Variants in ITSN2 observed in about 807,000 individuals in gnomAD.
The protein encoded by ITSN2 is intersectin 2.
Under a neutral mutation model 243.7 loss-of-function variants are expected in ITSN2, and 156 were observed. That is an observed-to-expected ratio of 0.64 (90% CI 0.56 to 0.73). The LOEUF (loss-of-function observed/expected upper bound fraction) is 0.73. Ranked by LOEUF, ITSN2 falls within the 30% of genes least tolerant of loss-of-function variation. The pLI is 0.00. For missense variants in ITSN2, 1,801 were observed against 1,996.1 expected, an observed-to-expected ratio of 0.90 and a Z score of 1.86; for synonymous variants, 703 against 699.9, an observed-to-expected ratio of 1.00 and a Z score of -0.07.
chr2:24,354,781 C>T (rs1291047032), intron 1 of ITSN2, among the ~76,000 whole-genome samples: 3 of 152,034 alleles, frequency 2.0e-5, no homozygotes, highest in African/African-American at 4.8e-5. Flanking sequence ...AATACGCATT[C>T]GTGAAGAAAA....
chr2:24,241,818 TG>T (rs1672761874), intron 29 of ITSN2: 1 of 152,632 alleles, frequency 6.6e-6, no homozygotes, highest in African/African-American at 2.4e-5. Flanking sequence ...TAAAAAAGCA[TG>T]GCAGCCTATT....
At chr2:24,283,436 C>T (rs1015156129) in intron 17 of ITSN2, among the ~76,000 whole-genome samples, 2 of 151,960 alleles carry the variant, frequency 1.3e-5, no homozygotes, top group East Asian at 1.9e-4. Context: ...ATGTTGGCCA[C>T]GCTGGTCTCA....
At chr2:24,332,802 T>G (rs1366777412) in intron 1 of ITSN2, among the ~76,000 whole-genome samples, 3 of 152,182 alleles carry the variant, frequency 2.0e-5, no homozygotes, top group African/African-American at 7.2e-5. Flanking sequence ...ACCAAAAACT[T>G]TGTTTTACAT....
intron 1 of ITSN2, among the ~76,000 whole-genome samples, chr2:24,334,935 C>A (rs1249694057): frequency 6.6e-6 from 1 of 151,086 alleles, no homozygotes; most frequent in South Asian, 2.1e-4. Context: ...TGGTAGCGGG[C>A]GCCTGTAGTC....
upstream of ITSN2, among the ~76,000 whole-genome samples, chr2:24,361,222 C>T (rs75874833): frequency 2.0e-3 from 312 of 152,280 alleles, 3 homozygotes; most frequent in African/African-American, 7.5e-3. Flanking sequence ...CGAAGCTAAA[C>T]TTTCCTCCCC....
intron 22 of ITSN2, 52 bp from the exon 23 acceptor site, chr2:24,258,145 T>A (rs113834384): frequency 7.6e-7 from 1 of 1,311,592 alleles, no homozygotes; most frequent in African/African-American, 1.5e-5. Flanking sequence ...TAACTATGAT[T>A]TCTGTTTCTG....
rs189907954 is a variant in ITSN2 at position 24,205,011 on chromosome 2, G to A, written c.4762+203C>T. Among the ~76,000 whole-genome samples, 1,003 of 152,192 alleles carry A rather than the reference G, an allele frequency of 6.6e-3. 12 individuals carry two copies. Among genetic ancestry groups the A allele is most frequent in the Non-Finnish European group, 0.01 (709 of 68,020 alleles). On this transcript the variant is annotated intron_variant, in intron 38 of 39. Transcript: ENST00000355123. ...AAAATACAAGAATTTGCCAGGCGTG[G>A]TGGTGCACACCTGTAATCCCAGCTA...
At chr2:24,303,384 C>T (rs779278877) in intron 9 of ITSN2, among the ~76,000 whole-genome samples, 14 of 151,908 alleles carry the variant, frequency 9.2e-5, no homozygotes, top group South Asian at 2.1e-4. Flanking sequence ...CAGTTTTTAC[C>T]GAAAGTTTAA....
At chr2:24,327,372 T>C (rs1286575883) in intron 2 of ITSN2, among the ~76,000 whole-genome samples, 1 of 151,950 alleles carries the variant, frequency 6.6e-6, no homozygotes, top group Non-Finnish European at 1.5e-5. Flanking sequence ...CTCGGTACAC[T>C]GCAACCACCA....
At chr2:24,242,273 T>C (rs1672818805) in intron 29 of ITSN2, 3 of 152,592 alleles carry the variant, frequency 2.0e-5, no homozygotes, top group African/African-American at 7.2e-5. Flanking sequence ...AAAATTTGAC[T>C]AGTAACAACA....
In ITSN2 at chr2:24,251,363, G is replaced by GTGTGTATATATATA. The variant is rs1674136541; in HGVS notation, c.3120+981_3120+982insTATATATATACACA. 4.7e-4 allele frequency among the ~76,000 whole-genome samples: 3 copies of GTGTGTATATATATA among 6,368 alleles called. 1 individual carries two copies. Among genetic ancestry groups the GTGTGTATATATATA allele is most frequent in the African/African-American group, 1.2e-3 (3 of 2,420 alleles). The allele number at this position is 6,368 out of a possible 152,430, so 4.2% of individuals were successfully genotyped here. A position where few individuals can be genotyped will look rare whatever the true frequency, so the allele number is the denominator to read the frequency against. The stretch of plus-strand genomic sequence containing the variant: ...TATATATATATGTGTGTGTGTGTGT[G>GTGTGTATATATATA]TGTGTGTGTATATATGTATGTGTAT... On this transcript the variant is annotated intron_variant, in intron 25 of 39. Transcript: ENST00000355123.
At chr2:24,266,426 TA>T (rs1574076681) in intron 20 of ITSN2, among the ~76,000 whole-genome samples, 1 of 152,170 alleles carries the variant, frequency 6.6e-6, no homozygotes, top group East Asian at 1.9e-4. Flanking sequence ...ATGTTTATGG[TA>T]AATAATTCTC....
intron 15 of ITSN2, 110 bp from the exon 16 acceptor site, chr2:24,286,461 G>C: frequency 1.2e-6 from 1 of 843,778 alleles, no homozygotes; most frequent in Non-Finnish European, 2.0e-6. Flanking sequence ...TACGAAGGAT[G>C]TATACACAAT....
chr2:24,339,166 T>A (rs542596384), intron 1 of ITSN2, among the ~76,000 whole-genome samples: 2 of 152,204 alleles, frequency 1.3e-5, no homozygotes, highest in Admixed American at 6.5e-5. Flanking sequence ...TTGAGAGTGA[T>A]GTAATTTCAA....
intron 22 of ITSN2, 55 bp downstream of exon 22, chr2:24,261,051 T>C (rs1675784012): frequency 1.3e-6 from 2 of 1,519,568 alleles, no homozygotes; most frequent in South Asian, 2.4e-5. Context: ...TTCATTCTAT[T>C]TTAATCAGGA....
Position 24,204,148 on chromosome 2 carries a change from G to A in ITSN2, c.4936+97C>T. On this transcript the variant is annotated intron_variant, in intron 39 of 39. Coordinates refer to ENST00000355123, the MANE Select transcript of ITSN2 (RefSeq NM_006277.3). This position sits in a 1 kb window ranked among gnomAD's most constrained non-coding sequence, Gnocchi z 5.1. ...CAGGCCTGTGTCACTTCCCTGAAGT[G>A]GCATGGGGTCTGCACACAGCTGAAG... 8.3e-7 allele frequency: 1 copy of A among 1,210,034 alleles called. No homozygotes were observed. The highest frequency in any genetic ancestry group is 1.2e-6 in the Non-Finnish European group (1 of 836,886). The allele number at this position is 1,210,034 out of a possible 1,614,324, so 75.0% of individuals were successfully genotyped here.
chr2:24,258,119 T>G (rs758877242), intron 22 of ITSN2, 26 bp from the exon 23 acceptor site: 8 of 1,543,292 alleles, frequency 5.2e-6, no homozygotes, highest in Admixed American at 5.1e-5. Context: ...CACCAAAAAT[T>G]TTTAAAAGGC....
intron 2 of ITSN2, among the ~76,000 whole-genome samples, chr2:24,326,913 A>G (rs1685214216): frequency 6.6e-6 from 1 of 152,228 alleles, no homozygotes; most frequent in Non-Finnish European, 1.5e-5. Context: ...ACAACTGATT[A>G]ACACTAGACG....
intron 1 of ITSN2, among the ~76,000 whole-genome samples, chr2:24,348,863 A>C (rs1687788980): frequency 6.6e-6 from 1 of 152,248 alleles, no homozygotes; most frequent in Non-Finnish European, 1.5e-5. Flanking sequence ...TTTTTAAAAA[A>C]TTACCAATAT....
Sources: allele counts gnomAD v4.1 joint callset (sites outside exome capture counted in the v4.1 genomes callset), GRCh38; gene constraint gnomAD v4.1.1; non-coding constraint Gnocchi (gnomAD v3.1); transcripts MANE v1.5; gene names NCBI Gene and HGNC (gene_info 2026-07-23, HGNC 2026-07-21).